RAD51B: variants seen among roughly 807,000 people sequenced by gnomAD.
RAD51B encodes the protein DNA repair protein RAD51 homolog 2.
In RAD51B, 38 loss-of-function variants were observed where a neutral mutation model predicts 42.2. The observed-to-expected ratio is 0.90, with a 90% confidence interval of 0.70 to 1.18. The LOEUF (loss-of-function observed/expected upper bound fraction) is 1.18, where lower values mean the gene tolerates loss of function less well. Among genes scored for constraint, RAD51B ranks in the 50% most tolerant of loss-of-function variants. The pLI, the probability that RAD51B is intolerant of heterozygous loss-of-function variation, is 0.00. For synonymous variants in RAD51B, 154 were observed against 145.2 expected (o/e 1.06, Z -0.43); for missense variants, 373 against 400.7 (o/e 0.93, Z 0.59).
At chr14:68,224,414 A>T (rs1379759604) in intron 7 of RAD51B, among the ~76,000 whole-genome samples, 1 of 152,040 alleles carries the variant, frequency 6.6e-6, no homozygotes, top group South Asian at 2.1e-4. Context: ...TCACTCATGG[A>T]TTACTTCTGC....
intron 9 of RAD51B, among the ~76,000 whole-genome samples, chr14:68,417,563 T>A (rs1481467820): frequency 6.6e-6 from 1 of 152,182 alleles, no homozygotes; most frequent in Non-Finnish European, 1.5e-5. Flanking sequence ...AATCCCTTTT[T>A]TCAGGCAATG....
chr14:67,905,942 A>G (rs1043890741), intron 7 of RAD51B, among the ~76,000 whole-genome samples: 2 of 151,862 alleles, frequency 1.3e-5, no homozygotes, highest in African/African-American at 4.8e-5. Flanking sequence ...CCAGTATAGG[A>G]GTGGTAAGTG....
intron 10 of RAD51B, chr14:68,541,749 T>C: frequency 1.0e-6 from 1 of 985,350 alleles, no homozygotes; most frequent in Non-Finnish European, 1.2e-6. Flanking sequence ...GCTGTTAGTA[T>C]TTAAAACTTT....
chr14:68,554,197 C>A (rs564894397), intron 10 of RAD51B, among the ~76,000 whole-genome samples: 3 of 152,316 alleles, frequency 2.0e-5, no homozygotes, highest in African/African-American at 7.2e-5. Context: ...GATAATTAAT[C>A]TATTAATGTG....
intron 9 of RAD51B, among the ~76,000 whole-genome samples, chr14:68,440,445 G>GA (rs1019008551): frequency 4.1e-4 from 63 of 152,284 alleles, no homozygotes; most frequent in African/African-American, 1.4e-3. Flanking sequence ...GCCAAGAGTA[G>GA]AAAGTAACCA....
Position 67,975,015 on chromosome 14 carries a change from G to C in RAD51B, c.756+87811G>C, listed in dbSNP as rs758696569. ...TCCCACTTTTGGAGAGTTGATATCT[G>C]CTTTGCTGGCTTCACATCTGTATTA... On this transcript the variant is annotated intron_variant, in intron 7 of 10. Transcript: ENST00000471583. 4.0e-4 allele frequency among the ~76,000 whole-genome samples: 61 copies of C among 152,050 alleles called. 1 individual carries two copies. The highest frequency in any genetic ancestry group is 3.1e-3 in the Admixed American group (47 of 15,248).
intron 7 of RAD51B, among the ~76,000 whole-genome samples, chr14:67,989,635 CAAAAA>C (rs764608072): frequency 2.2e-4 from 15 of 66,894 alleles, no homozygotes; most frequent in Middle Eastern, 0.019. Context: ...AACTCTGTCT[CAAAAA>C]AAAAAAAAAA....
At chr14:67,964,191 G>C (rs1238461380) in intron 7 of RAD51B, among the ~76,000 whole-genome samples, 1 of 151,952 alleles carries the variant, frequency 6.6e-6, no homozygotes, top group East Asian at 1.9e-4. Context: ...TTAATTTATA[G>C]TGTATTTATT....
intron 7 of RAD51B, among the ~76,000 whole-genome samples, chr14:67,962,172 C>T (rs2074683698): frequency 1.3e-5 from 2 of 152,040 alleles, no homozygotes; most frequent in South Asian, 4.1e-4. Flanking sequence ...ACGGTAAACA[C>T]AGGAGTAAGA....
chr14:68,161,836 G>A (rs1357910797), intron 7 of RAD51B, among the ~76,000 whole-genome samples: 1 of 152,188 alleles, frequency 6.6e-6, no homozygotes, highest in Non-Finnish European at 1.5e-5. Flanking sequence ...AAACCATGAT[G>A]GTTGCCATCA....
chr14:68,040,563 A>G (rs1050984179), intron 7 of RAD51B, among the ~76,000 whole-genome samples: 1 of 152,206 alleles, frequency 6.6e-6, no homozygotes, highest in African/African-American at 2.4e-5. Context: ...TTTGGGAACT[A>G]TTGTGCTAGT....
At chr14:68,324,230 A>C (rs1280933015) in intron 8 of RAD51B, among the ~76,000 whole-genome samples, 1 of 152,210 alleles carries the variant, frequency 6.6e-6, no homozygotes. Flanking sequence ...CAGTGTTAGA[A>C]TGGACCATTT....
intron 7 of RAD51B, among the ~76,000 whole-genome samples, chr14:68,063,726 C>A (rs925805035): frequency 6.6e-6 from 1 of 152,156 alleles, no homozygotes; most frequent in African/African-American, 2.4e-5. Flanking sequence ...CAGAATGAGA[C>A]TCCATCTCAA....
At chr14:67,825,078 CAAAAAAAAAA>C (rs56227529) in intron 2 of RAD51B, among the ~76,000 whole-genome samples, 18 of 50,554 alleles carry the variant, frequency 3.6e-4, no homozygotes, top group South Asian at 2.7e-3. Context: ...ACTCTTGTCT[CAAAAAAAAAA>C]AAAAAAAAAA....
chr14:67,891,890 T>C (rs2043230335), intron 7 of RAD51B, among the ~76,000 whole-genome samples: 1 of 152,176 alleles, frequency 6.6e-6, no homozygotes, highest in Non-Finnish European at 1.5e-5. Flanking sequence ...TTTATTTTTA[T>C]CTTAAACATA....
chr14:68,450,951 T>C (rs974537125), intron 9 of RAD51B, among the ~76,000 whole-genome samples: 1 of 152,172 alleles, frequency 6.6e-6, no homozygotes, highest in African/African-American at 2.4e-5. Flanking sequence ...CAGGCCATGC[T>C]GCACCCCACA....
At chr14:67,836,287 G>T (rs1218891599) in intron 4 of RAD51B, among the ~76,000 whole-genome samples, 2 of 152,120 alleles carry the variant, frequency 1.3e-5, no homozygotes, top group African/African-American at 4.8e-5. Context: ...TCACCAGGTA[G>T]GCTCTCCACA....
At chr14:68,260,628 G>C in intron 7 of RAD51B, among the ~76,000 whole-genome samples, 1 of 152,082 alleles carries the variant, frequency 6.6e-6, no homozygotes, top group East Asian at 1.9e-4. Context: ...TTTCTTCTTG[G>C]CCTCTGTGTT....
At chr14:68,149,535 A>G (rs527377737) in intron 7 of RAD51B, 8 of 152,208 alleles carry the variant, frequency 5.3e-5, no homozygotes, top group East Asian at 1.9e-4. Context: ...ATTTTGTTCT[A>G]TTTATCTAGT....
Sources: gnomAD v4.1 joint callset for allele counts (sites outside exome capture counted in the v4.1 genomes callset) on GRCh38, gnomAD v4.1.1 for gene constraint, MANE v1.5 for transcripts, NCBI Gene and HGNC (gene_info 2026-07-23, HGNC 2026-07-21) for gene names.